Variants in DAZAP2 observed in about 807,000 individuals in gnomAD.
The protein encoded by DAZAP2 is DAZ associated protein 2.
A neutral mutation model predicts 16.2 loss-of-function variants in DAZAP2; 3 were observed. That is an observed-to-expected ratio of 0.19 (90% confidence interval 0.08 to 0.48). The LOEUF (loss-of-function observed/expected upper bound fraction) is 0.48. DAZAP2 is among the 20% of genes least tolerant of loss of function. DAZAP2 has a pLI of 0.98. For missense variants in DAZAP2, 172 were observed against 215.9 expected, an observed-to-expected ratio of 0.80 and a Z score of 1.27; for synonymous variants, 69 against 77.6, an observed-to-expected ratio of 0.89 and a Z score of 0.58.
chr12:51,240,307 G>A (rs533139415), intron 1 of DAZAP2, 36 bp from the exon 2 acceptor site: 3 of 1,557,440 alleles, frequency 1.9e-6, no homozygotes, highest in Non-Finnish European at 2.7e-6. Flanking sequence ...GTAGCTCTGT[G>A]TAGTAGGCAA....
At position 51,243,309 on chromosome 12, in the gene DAZAP2, G is replaced by T; in HGVS notation, c.*851G>T. The T allele has an allele frequency of 1.0e-6, 1 of 985,864 alleles. No individual in the cohort carries two copies. Among genetic ancestry groups the T allele is most frequent in the Non-Finnish European group, 1.2e-6 (1 of 829,934 alleles). 61.1% of individuals were successfully genotyped at this position (985,864 alleles called of 1,614,324 possible). A position where few individuals can be genotyped will look rare whatever the true frequency, so the allele number is the denominator to read the frequency against. ...CAACAGTTGGTTTAAAATATGAGGG[G>T]CAAGGAGGAGGATGCATTTCAAAAG... is the stretch of plus-strand genomic sequence containing the variant. On this transcript the variant is annotated 3_prime_UTR_variant, in exon 4 of 4. Transcript: ENST00000412716.
chr12:51,240,258 C>T, intron 1 of DAZAP2, 85 bp from the exon 2 acceptor site: 2 of 1,019,948 alleles, frequency 2.0e-6, no homozygotes, highest in South Asian at 1.3e-5. Flanking sequence ...CTGCTTGCTC[C>T]CACTAAGTTA....
In DAZAP2 at chr12:51,242,439, G is replaced by T; in HGVS notation, c.488G>T (p.Gly163Val). 6.2e-7 allele frequency: 1 copy of T among 1,614,164 alleles called. No homozygotes were observed. Among genetic ancestry groups the T allele is most frequent in the Non-Finnish European group, 8.5e-7 (1 of 1,180,032 alleles). ...KGNFFMGGSD[G>V]GYTIW ...AACTTCTTCATGGGTGGTTCAGATG[G>T]TGGCTACACCATCTGGTGAGGAACC... The change falls in exon 4 of 4, where the codon GGT becomes GTT. Residue 163 changes from glycine (G) to valine (V), a missense_variant. Gly to Val is a moderately radical substitution (Grantham distance 109). Coordinates refer to ENST00000412716, the MANE Select transcript of DAZAP2 (RefSeq NM_014764.4).
At position 51,243,403 on chromosome 12, in the gene DAZAP2, C is replaced by CA. The variant is rs1165704261; in HGVS notation, c.*946dup. 8.5e-5 allele frequency: 84 copies of CA among 985,732 alleles called. No individual in the cohort carries two copies. Among genetic ancestry groups the CA allele is most frequent in the African/African-American group, 5.8e-4 (33 of 57,346 alleles). 61.1% of individuals were successfully genotyped at this position (985,732 alleles called of 1,614,324 possible). On this transcript the variant is annotated 3_prime_UTR_variant, in exon 4 of 4. Coordinates refer to ENST00000412716, the MANE Select transcript of DAZAP2 (RefSeq NM_014764.4). ...TCAAAAACTGGTTACCATTTTTTGT[C>CA]AGAGTGTCTGATGCGGCCACTCATT...
In DAZAP2 at chr12:51,240,378, C is replaced by T. The variant is rs151131528; in HGVS notation, c.49C>T (p.Pro17Ser). 8.1e-6 allele frequency: 13 copies of T among 1,614,010 alleles called. No homozygotes were observed. In the African/African-American group the frequency reaches 1.6e-4, roughly 20 times the overall value. ...YPTQPTYPVQPPGNPVYPQTL... is the reference protein window; with the variant it reads ...YPTQPTYPVQSPGNPVYPQTL... ...AACACAGCCAACCTACCCTGTGCAG[C>T]CTCCTGGGAATCCAGTATACCCTCA... Residue 17 changes from proline to serine, a missense_variant, in exon 2 of 4, where the codon CCT becomes TCT. By Grantham distance (74) the Pro-to-Ser change is moderately conservative. Transcript: ENST00000412716.
chr12:51,243,414 A>T lies in DAZAP2; in HGVS notation c.*956A>T. ...TTACCATTTTTTGTCAGAGTGTCTG[A>T]TGCGGCCACTCATTCGGCTCCCCAG... On this transcript the variant is annotated 3_prime_UTR_variant, in exon 4 of 4. Transcript: ENST00000412716. The T allele has an allele frequency of 1.0e-6, 1 of 985,792 alleles. No individual in the cohort carries two copies. The highest frequency in any genetic ancestry group is 1.2e-6 in the Non-Finnish European group (1 of 829,924). 61.1% of individuals were successfully genotyped at this position (985,792 alleles called of 1,614,324 possible).
chr12:51,243,594 T>G lies in DAZAP2; in HGVS notation c.*1136T>G, dbSNP rs1271702654. 1.0e-6 allele frequency: 1 copy of G among 985,386 alleles called. No individual in the cohort carries two copies. The highest frequency in any genetic ancestry group is 1.2e-6 in the Non-Finnish European group (1 of 829,596). The allele number at this position is 985,386 out of a possible 1,614,324, so 61.0% of individuals were successfully genotyped here. ...AATTGGATTTTATTTTATTTTATCTTATAATTTCAGTTCATCTAAATTGTG... is the reference window on the plus strand; with the variant it reads ...AATTGGATTTTATTTTATTTTATCTGATAATTTCAGTTCATCTAAATTGTG... On this transcript the variant is annotated 3_prime_UTR_variant, in exon 4 of 4. Transcript: ENST00000412716.
At chr12:51,244,037 G>C (rs745338530), downstream of DAZAP2, 20 of 498,790 alleles carry the variant, frequency 4.0e-5, no homozygotes, top group Non-Finnish European at 4.9e-5. Flanking sequence ...TAGAAATGAG[G>C]GAACTATTGA....
chr12:51,242,468 G>A lies in DAZAP2; in HGVS notation c.*10G>A, dbSNP rs1444879102. The A allele has an allele frequency of 1.9e-6, 3 of 1,614,038 alleles. No individual in the cohort carries two copies. In the South Asian group the frequency reaches 3.3e-5, roughly 18 times the overall value. On this transcript the variant is annotated 3_prime_UTR_variant, in exon 4 of 4. Coordinates refer to ENST00000412716, the MANE Select transcript of DAZAP2 (RefSeq NM_014764.4). ...CTACACCATCTGGTGAGGAACCAAGGCCACCTCTGTGCCGGGAAAGACATC... is the reference window on the plus strand; with the variant it reads ...CTACACCATCTGGTGAGGAACCAAGACCACCTCTGTGCCGGGAAAGACATC...
chr12:51,246,092 A>G (rs746151850), downstream of DAZAP2: 1 of 1,613,996 alleles, frequency 6.2e-7, no homozygotes, highest in South Asian at 1.1e-5. Flanking sequence ...GACCGAGAGC[A>G]GGGTGAGGAA....
At position 51,242,964 on chromosome 12, in the gene DAZAP2, C is replaced by T; in HGVS notation, c.*506C>T. The T allele has an allele frequency of 9.4e-7, 1 of 1,068,822 alleles. No individual in the cohort carries two copies. The allele number at this position is 1,068,822 out of a possible 1,614,324, so 66.2% of individuals were successfully genotyped here. A position where few individuals can be genotyped will look rare whatever the true frequency, so the allele number is the denominator to read the frequency against. ...CATCCCATCTCCAACCCTAGTCTTC[C>T]ATTTCCTCCCGCCAGTCTCCATTGA... On this transcript the variant is annotated 3_prime_UTR_variant, in exon 4 of 4. Coordinates refer to ENST00000412716, the MANE Select transcript of DAZAP2 (RefSeq NM_014764.4).
At position 51,243,348 on chromosome 12, in the gene DAZAP2, T is replaced by C; in HGVS notation, c.*890T>C. On this transcript the variant is annotated 3_prime_UTR_variant, in exon 4 of 4. Coordinates refer to ENST00000412716, the MANE Select transcript of DAZAP2 (RefSeq NM_014764.4). ...GCATTTCAAAAGCTTGATTGATGTG[T>C]TCAGAGCTAAATTAAGAGGAGTTTT... The C allele has an allele frequency of 3.0e-6, 3 of 985,780 alleles. No homozygotes were observed. The highest frequency in any genetic ancestry group is 3.6e-6 in the Non-Finnish European group (3 of 829,928). 61.1% of individuals were successfully genotyped at this position (985,780 alleles called of 1,614,324 possible). A position where few individuals can be genotyped will look rare whatever the true frequency, so the allele number is the denominator to read the frequency against.
At position 51,242,532 on chromosome 12, in the gene DAZAP2, T is replaced by C. The variant is rs2137286868; in HGVS notation, c.*74T>C. On this transcript the variant is annotated 3_prime_UTR_variant, in exon 4 of 4. Transcript: ENST00000412716. ...ACTTCTCACAATGTAACTGCTTTAGTCATATTAACCTGAAGTTGCAGTTTA... is the reference window on the plus strand; with the variant it reads ...ACTTCTCACAATGTAACTGCTTTAGCCATATTAACCTGAAGTTGCAGTTTA... 1 of 1,613,264 alleles carries C rather than the reference T, an allele frequency of 6.2e-7. No individual in the cohort carries two copies. The highest frequency in any genetic ancestry group is 2.2e-5 in the East Asian group (1 of 44,890).
downstream of DAZAP2, chr12:51,245,848 C>T (rs749801297): frequency 7.7e-6 from 11 of 1,423,968 alleles, no homozygotes; most frequent in Non-Finnish European, 9.5e-6. Context: ...TCAATCAATG[C>T]TTCTCCCTGG....
In DAZAP2 at chr12:51,243,329, CA is replaced by C. The variant is rs1944715208; in HGVS notation, c.*875del. 1 of 985,680 alleles carries C rather than the reference CA, an allele frequency of 1.0e-6. No homozygotes were observed. Among genetic ancestry groups the C allele is most frequent in the Non-Finnish European group, 1.2e-6 (1 of 829,948 alleles). The allele number at this position is 985,680 out of a possible 1,614,324, so 61.1% of individuals were successfully genotyped here. On this transcript the variant is annotated 3_prime_UTR_variant, in exon 4 of 4. Transcript: ENST00000412716. ...GAGGGGCAAGGAGGAGGATGCATTT[CA>C]AAAGCTTGATTGATGTGTTCAGAGC...
At chr12:51,246,700 G>A (rs1355712107), downstream of DAZAP2, 6 of 1,427,092 alleles carry the variant, frequency 4.2e-6, no homozygotes, top group Non-Finnish European at 5.6e-6. Context: ...CCTCTGGAGA[G>A]AGATGCCCTT....
chr12:51,244,671 A>G (rs1443467519), downstream of DAZAP2: 1 of 152,198 alleles, frequency 6.6e-6, no homozygotes, highest in East Asian at 1.9e-4. Flanking sequence ...ACTAAAATCC[A>G]AGAAGCTTCT....
chr12:51,239,079 T>G, intron 1 of DAZAP2, 159 bp downstream of exon 1: 1 of 1,013,440 alleles, frequency 9.9e-7, no homozygotes. Context: ...GCCTTCGTCA[T>G]ACCCAAATTA....
At chr12:51,239,307 G>A (rs1488514562) in intron 1 of DAZAP2, 1 of 228,334 alleles carries the variant, frequency 4.4e-6, no homozygotes, top group African/African-American at 2.3e-5. Flanking sequence ...TGAATTGCTG[G>A]AGTTGGTTCG....
Sources: gnomAD v4.1 joint callset for allele counts on GRCh38, gnomAD v4.1.1 for gene constraint, MANE v1.5 for transcripts, NCBI Gene and HGNC (gene_info 2026-07-23, HGNC 2026-07-21) for gene names.